INTS6: variants seen among roughly 807,000 people sequenced by gnomAD.
INTS6 encodes the protein DEAD box protein.
A neutral mutation model predicts 104.9 loss-of-function variants in INTS6; 16 were observed. The ratio of observed to expected loss-of-function variants is 0.15; its 90% CI spans 0.10 to 0.23. The LOEUF is 0.23. Among genes scored for constraint, INTS6 ranks in the 10% least tolerant of loss-of-function variants. The pLI is 1.00. For synonymous variants in INTS6, 324 were observed against 358.7 expected, an observed-to-expected ratio of 0.90 and a Z score of 1.09; for missense variants, 584 against 1,062.8, an observed-to-expected ratio of 0.55 and a Z score of 6.26.
chr13:51,351,592 C>T (rs1955403283), downstream of INTS6, among the ~76,000 whole-genome samples: 1 of 152,014 alleles, frequency 6.6e-6, no homozygotes, highest in African/African-American at 2.4e-5. Context: ...TTTCTTTTCA[C>T]TTCTCAATGG....
intron 3 of INTS6, among the ~76,000 whole-genome samples, chr13:51,432,456 A>T (rs1435285795): frequency 7.5e-6 from 1 of 132,702 alleles, no homozygotes; most frequent in Admixed American, 7.4e-5. Flanking sequence ...ACAATTTATT[A>T]AAAAAAAAAA....
At position 51,452,867 on chromosome 13, in the gene INTS6, G is replaced by A. The variant is rs1355948600; in HGVS notation, c.-342C>T. The A allele has an allele frequency of 3.5e-6, 4 of 1,135,096 alleles. No individual in the cohort carries two copies. The South Asian group carries it at 5.7e-5, about 16-fold the overall frequency. 70.3% of individuals were successfully genotyped at this position (1,135,096 alleles called of 1,614,324 possible). A position where few individuals can be genotyped will look rare whatever the true frequency, so the allele number is the denominator to read the frequency against. On this transcript the variant is annotated 5_prime_UTR_variant, in exon 1 of 18. Transcript: ENST00000311234. The surrounding 1 kb of genome is among the most constrained non-coding windows in gnomAD (Gnocchi z 4.2). ...CCCTGTGTGTGTCCCAGCGGGAGAC[G>A]GGCCTGGCTCCCCACCCCACCCCCG...
chr13:51,385,693 TTTC>T (rs147548825), intron 7 of INTS6, among the ~76,000 whole-genome samples: 1,727 of 152,320 alleles, frequency 0.011, 26 homozygotes, highest in East Asian at 0.071. Context: ...AGTAGCAATA[TTTC>T]TTCAATATTG....
At position 51,384,504 on chromosome 13, in the gene INTS6, A is replaced by G. The variant is rs928569864; in HGVS notation, c.895-763T>C. On this transcript the variant is annotated intron_variant, in intron 7 of 17. Transcript: ENST00000311234. ...ACTGCTTATACCCTGGTGGTTCACA[A>G]ATCTACTGTTGGGGCCAGATGGCTC... The G allele has an allele frequency of 5.6e-5, 22 of 394,834 alleles. No individual in the cohort carries two copies. In the East Asian group the frequency reaches 9.3e-4, roughly 17 times the overall value. 24.5% of individuals were successfully genotyped at this position (394,834 alleles called of 1,614,324 possible).
intron 9 of INTS6, 71 bp from the exon 10 acceptor site, chr13:51,382,194 T>C (rs1167598609): frequency 4.6e-6 from 4 of 871,006 alleles, no homozygotes; most frequent in African/African-American, 1.7e-5. Context: ...GTCAAAGACG[T>C]TTCCTTTTTA....
intron 11 of INTS6, 36 bp from the exon 12 acceptor site, chr13:51,378,490 A>T: frequency 7.4e-7 from 1 of 1,356,180 alleles, no homozygotes; most frequent in Non-Finnish European, 1.0e-6. Flanking sequence ...TCTTGATAAA[A>T]TCTAAATTAA....
At chr13:51,408,288 C>T (rs1326159669) in intron 4 of INTS6, among the ~76,000 whole-genome samples, 3 of 151,564 alleles carry the variant, frequency 2.0e-5, no homozygotes, top group Non-Finnish European at 2.9e-5. Flanking sequence ...GGATTACAGG[C>T]GCCTGCCACC....
intron 4 of INTS6, among the ~76,000 whole-genome samples, chr13:51,418,593 T>C (rs76543138): frequency 0.011 from 1,729 of 152,326 alleles, 26 homozygotes; most frequent in East Asian, 0.071. Flanking sequence ...TGTTAGTTCC[T>C]ATTGTTACAC....
intron 4 of INTS6, among the ~76,000 whole-genome samples, chr13:51,403,826 T>C (rs1255537206): frequency 6.6e-6 from 1 of 151,894 alleles, no homozygotes; most frequent in East Asian, 1.9e-4. Flanking sequence ...TCATATGAAA[T>C]AATAAATGAG....
chr13:51,417,098 T>G lies in INTS6; in HGVS notation c.429+13196A>C, dbSNP rs146099227. 4.3e-4 allele frequency among the ~76,000 whole-genome samples: 66 copies of G among 152,362 alleles called. 2 individuals carry two copies. The East Asian group carries it at 7.7e-3, about 18-fold the overall frequency. ...CTTTTTATTTTTATGTTGTTACAGT[T>G]CTTTATATATTCTGGATATCATGCC... On this transcript the variant is annotated intron_variant, in intron 4 of 17. Transcript: ENST00000311234.
rs1342686596 is a variant in INTS6, at chr13:51,378,338, A to T, written c.1503T>A (p.Phe501Leu). 3.7e-6 allele frequency: 6 copies of T among 1,613,524 alleles called. No homozygotes were observed. The highest frequency in any genetic ancestry group is 5.1e-6 in the Non-Finnish European group (6 of 1,179,510). ...HGLSMAYRKDFQQLLQGISED... is the reference protein window; with the variant it reads ...HGLSMAYRKDLQQLLQGISED... The stretch of plus-strand genomic sequence containing the variant: ...CTGAAATTCCCTGGAGGAGTTGTTG[A>T]AAATCTTTCCTATATGCCATTGATA... Residue 501 changes from phenylalanine to leucine, a missense_variant, in exon 12 of 18, where the codon TTT becomes TTA. Transcript: ENST00000311234.
At chr13:51,344,611 T>C in the INTS6 span, 1 of 722,762 alleles carries the variant, frequency 1.4e-6, no homozygotes, top group South Asian at 1.7e-5. Flanking sequence ...TCTGTCCTCT[T>C]AGGAGATCCT....
chr13:51,404,480 T>C (rs1255442805), intron 4 of INTS6, among the ~76,000 whole-genome samples: 1 of 152,048 alleles, frequency 6.6e-6, no homozygotes, highest in Non-Finnish European at 1.5e-5. Flanking sequence ...ACATAGAGAA[T>C]ACAAACACAT....
chr13:51,394,024 A>G (rs536162509), intron 5 of INTS6, among the ~76,000 whole-genome samples: 44 of 151,278 alleles, frequency 2.9e-4, no homozygotes, highest in Non-Finnish European at 6.0e-4. Flanking sequence ...AAATCCCCAG[A>G]GTTTAAAAAA....
At chr13:51,392,166 G>A (rs1278692937) in intron 5 of INTS6, among the ~76,000 whole-genome samples, 1 of 152,240 alleles carries the variant, frequency 6.6e-6, no homozygotes, top group Non-Finnish European at 1.5e-5. Flanking sequence ...AACAGGTGAA[G>A]TGGTATTTCA....
chr13:51,450,244 T>C (rs986489959), intron 3 of INTS6: 41 of 984,792 alleles, frequency 4.2e-5, no homozygotes, highest in Non-Finnish European at 6.0e-6. Context: ...CAGTATCTTT[T>C]ATTTCCAGGG....
At chr13:51,404,249 G>A (rs1361259797) in intron 4 of INTS6, among the ~76,000 whole-genome samples, 1 of 149,538 alleles carries the variant, frequency 6.7e-6, no homozygotes, top group Non-Finnish European at 1.5e-5. Flanking sequence ...ACTCCTGCCT[G>A]AGTGACAGAG....
At chr13:51,344,622 A>T in the INTS6 span, 2 of 686,370 alleles carry the variant, frequency 2.9e-6, no homozygotes, top group South Asian at 3.6e-5. Context: ...AGGAGATCCT[A>T]CCCTTGAATG....
chr13:51,439,527 C>T (rs1047800935), intron 3 of INTS6: 3 of 152,048 alleles, frequency 2.0e-5, no homozygotes, highest in African/African-American at 7.2e-5. Context: ...TCTTCCTAGG[C>T]CTATCCTATT....
Sources: gnomAD v4.1 joint callset for allele counts (sites outside exome capture counted in the v4.1 genomes callset) on GRCh38, gnomAD v4.1.1 for gene constraint, Gnocchi (gnomAD v3.1) non-coding constraint, MANE v1.5 for transcripts, NCBI Gene and HGNC (gene_info 2026-07-23, HGNC 2026-07-21) for gene names.